The following ISL1 variants were observed in gnomAD, a reference collection of about 807,000 sequenced individuals.
The protein encoded by ISL1 is ISL LIM homeobox 1.
ISL1 carries 4 observed loss-of-function variants against 35.3 expected under a neutral mutation model. The ratio of observed to expected loss-of-function variants is 0.11; its 90% confidence interval spans 0.06 to 0.26. The LOEUF (loss-of-function observed/expected upper bound fraction) is 0.26, where lower values mean the gene tolerates loss of function less well. Ranked by LOEUF, ISL1 falls within the 10% of genes least tolerant of loss-of-function variation. The pLI, the probability that ISL1 is intolerant of heterozygous loss-of-function variation, is 1.00. For missense variants in ISL1, 340 were observed against 472.8 expected (o/e 0.72, Z 2.60); for synonymous variants, 186 against 172.3 (o/e 1.08, Z -0.62).
At position 51,387,698 on chromosome 5, in the gene ISL1, G is replaced by T. The variant is rs1328062960; in HGVS notation, c.427G>T (p.Ala143Ser). 1 of 1,614,090 alleles carries T rather than the reference G, an allele frequency of 6.2e-7. No individual in the cohort carries two copies. The highest frequency in any genetic ancestry group is 1.3e-5 in the African/African-American group (1 of 74,950). ...HDVVERASLG[A>S]GDPLSPLHPA... ...TGTGGTGGAGAGGGCCAGTCTAGGC[G>T]CTGGCGACCCGCTCAGTCCCCTGCA... is the stretch of plus-strand genomic sequence containing the variant. Residue 143 changes from alanine to serine, a missense_variant, in exon 3 of 6, where the codon GCT (alanine) becomes TCT (serine). By Grantham distance (99) the Ala-to-Ser change is moderately conservative. This residue lies in a region of ISL1 where 94 missense variants were observed against 102.1 expected (regional missense o/e 0.92). Transcript: ENST00000230658. The surrounding 1 kb of genome is among the most constrained non-coding windows in gnomAD (Gnocchi z 4.3).
At chr5:51,388,247 T>C (rs1747402017) in intron 3 of ISL1, among the ~76,000 whole-genome samples, 2 of 152,256 alleles carry the variant, frequency 1.3e-5, no homozygotes, top group African/African-American at 4.8e-5. Context: ...CTCGAAATTT[T>C]TTTTTTAATT....
intron 2 of ISL1, chr5:51,386,374 C>CTG (rs1747341638): frequency 7.4e-6 from 2 of 270,740 alleles, no homozygotes; most frequent in Admixed American, 9.8e-5. Flanking sequence ...TCTCTCTCAA[C>CTG]TCTGTGTGTG....
intron 5 of ISL1, among the ~76,000 whole-genome samples, chr5:51,392,006 C>G (rs1395715000): frequency 1.3e-5 from 2 of 152,130 alleles, no homozygotes; most frequent in Non-Finnish European, 2.9e-5. Flanking sequence ...TAGATGAATA[C>G]TTTTTGTTAC....
At position 51,383,604 on chromosome 5, in the gene ISL1, C is replaced by T; in HGVS notation, c.-68C>T. The T allele has an allele frequency of 7.7e-7, 1 of 1,297,436 alleles. No individual in the cohort carries two copies. Among genetic ancestry groups the T allele is most frequent in the Non-Finnish European group, 1.1e-6 (1 of 890,698 alleles). The allele number at this position is 1,297,436 out of a possible 1,614,324, so 80.4% of individuals were successfully genotyped here. ...CCCACTTAGCCACAGCTCCAGCATCCTCTCTGTGGGCTGTTCACCAACTGT... is the reference window on the plus strand; with the variant it reads ...CCCACTTAGCCACAGCTCCAGCATCTTCTCTGTGGGCTGTTCACCAACTGT... On this transcript the variant is annotated 5_prime_UTR_variant, in exon 1 of 6. Transcript: ENST00000230658.
chr5:51,386,760 C>A, intron 2 of ISL1: 2 of 371,788 alleles, frequency 5.4e-6, no homozygotes, highest in Non-Finnish European at 1.0e-5. Context: ...GGAACAGACG[C>A]AGATTTTTTT....
In ISL1 at chr5:51,391,567, G is replaced by A. The variant is rs190779201; in HGVS notation, c.933+126G>A. On this transcript the variant is annotated intron_variant, in intron 5 of 5. Coordinates refer to ENST00000230658, the MANE Select transcript of ISL1 (RefSeq NM_002202.3). ...GGCTCAGGGTTGGGGAGAAACCAAG[G>A]AGGTGGGTAATGAAGAGAAGGGAGA... 1.3e-4 allele frequency: 142 copies of A among 1,054,384 alleles called. No homozygotes were observed. The African/African-American group carries it at 1.8e-3, about 13-fold the overall frequency. 65.3% of individuals were successfully genotyped at this position (1,054,384 alleles called of 1,614,324 possible). A position where few individuals can be genotyped will look rare whatever the true frequency, so the allele number is the denominator to read the frequency against.
chr5:51,393,247 A>G (rs906989505), intron 5 of ISL1, among the ~76,000 whole-genome samples: 12 of 152,238 alleles, frequency 7.9e-5, no homozygotes, highest in African/African-American at 2.7e-4. Context: ...ATTTAATGCA[A>G]CATAATGTTG....
At position 51,394,261 on chromosome 5, in the gene ISL1, A is replaced by T. The variant is rs1017; in HGVS notation, c.*651A>T. ...CTTTATCAAGAAGTCTGAAGCGACT[A>T]TAAAGGTTTTTGAATTCAGATTTAA... On this transcript the variant is annotated 3_prime_UTR_variant, in exon 6 of 6. Coordinates refer to ENST00000230658, the MANE Select transcript of ISL1 (RefSeq NM_002202.3). 0.43 allele frequency: 66,313 copies of T among 152,534 alleles called. 15,658 individuals are homozygous for T. Among genetic ancestry groups the T allele is most frequent in the African/African-American group, 0.61 (25,462 of 41,418 alleles). 9.4% of individuals were successfully genotyped at this position (152,534 alleles called of 1,614,324 possible).
In ISL1 at chr5:51,394,074, C is replaced by G. The variant is rs1747578948; in HGVS notation, c.*464C>G. On this transcript the variant is annotated 3_prime_UTR_variant, in exon 6 of 6. Transcript: ENST00000230658. ...AAAGCGCAGGAAGAGAGACTGGCCT[C>G]CTTGGCTGAAAGAGTCCTTTCAGGA... 3 of 190,584 alleles carry G rather than the reference C, an allele frequency of 1.6e-5. No homozygotes were observed. The highest frequency in any genetic ancestry group is 7.2e-5 in the African/African-American group (3 of 41,928). 11.8% of individuals were successfully genotyped at this position (190,584 alleles called of 1,614,324 possible).
chr5:51,387,442 C>A lies in ISL1; in HGVS notation c.219-48C>A. 1 of 1,607,086 alleles carries A rather than the reference C, an allele frequency of 6.2e-7. No homozygotes were observed. On this transcript the variant is annotated intron_variant, in intron 2 of 5. Transcript: ENST00000230658. This position sits in a 1 kb window ranked among gnomAD's most constrained non-coding sequence, Gnocchi z 4.3. ...CCTGAAGTGACCCCCTCTTCCTGTACTTCTCTCCCCGCTCTGGGCCGCCTC... is the reference window on the plus strand; with the variant it reads ...CCTGAAGTGACCCCCTCTTCCTGTAATTCTCTCCCCGCTCTGGGCCGCCTC...
In ISL1 at chr5:51,393,515, C is replaced by T. The variant is rs1401245038; in HGVS notation, c.955C>T (p.Pro319Ser). 1.2e-6 allele frequency: 2 copies of T among 1,612,956 alleles called. No individual in the cohort carries two copies. The highest frequency in any genetic ancestry group is 1.7e-6 in the Non-Finnish European group (2 of 1,178,962). ...QQLVNFSEGG[P>S]GSNSTGSEVA... The stretch of plus-strand genomic sequence containing the variant: ...GCAGGTCAATTTTTCAGAAGGAGGA[C>T]CGGGCTCTAATTCCACTGGCAGTGA... The change falls in exon 6 of 6, where the codon CCG becomes TCG. Residue 319 changes from proline (P) to serine (S), a missense_variant. Coordinates refer to ENST00000230658, the MANE Select transcript of ISL1 (RefSeq NM_002202.3).
At position 51,384,657 on chromosome 5, in the gene ISL1, A is replaced by G. The variant is rs778884555; in HGVS notation, c.145A>G (p.Asn49Asp). 1 of 1,614,156 alleles carries G rather than the reference A, an allele frequency of 6.2e-7. No homozygotes were observed. Among genetic ancestry groups the G allele is most frequent in the Non-Finnish European group, 8.5e-7 (1 of 1,179,996 alleles). ...GGCATGTTTGAAATGTGCGGAGTGT[A>G]ATCAGTATTTGGACGAGAGCTGTAC... ...HAACLKCAEC[N>D]QYLDESCTCF... The change falls in exon 2 of 6, where the codon AAT becomes GAT. Residue 49 changes from asparagine (N) to aspartate (D), a missense_variant. Coordinates refer to ENST00000230658, the MANE Select transcript of ISL1 (RefSeq NM_002202.3).
At chr5:51,392,970 G>GC (rs1314057741) in intron 5 of ISL1, among the ~76,000 whole-genome samples, 1 of 152,124 alleles carries the variant, frequency 6.6e-6, no homozygotes, top group Non-Finnish European at 1.5e-5. Context: ...AGGCCAAGAG[G>GC]CAGCAGGACC....
chr5:51,389,902 A>G lies in ISL1; in HGVS notation c.735A>G (p.Gln245=), dbSNP rs920551971. ...KDKKRSIMMK[Q]LQQQQPNDKT... is the part of the protein sequence containing the mutation. ...AGAAGCGAAGCATCATGATGAAGCA[A>G]CTCCAGCAGCAGCAGCCCAATGACA... Residue 245 remains glutamine, a synonymous_variant, in exon 4 of 6, where the codon CAA becomes CAG. Transcript: ENST00000230658. The surrounding 1 kb of genome is among the most constrained non-coding windows in gnomAD (Gnocchi z 5.0). 2 of 1,613,958 alleles carry G rather than the reference A, an allele frequency of 1.2e-6. No homozygotes were observed. Among genetic ancestry groups the G allele is most frequent in the Non-Finnish European group, 1.7e-6 (2 of 1,179,898 alleles).
In ISL1 at chr5:51,389,984, G is replaced by T; in HGVS notation, c.765+52G>T. 1 of 1,584,734 alleles carries T rather than the reference G, an allele frequency of 6.3e-7. No homozygotes were observed. Among genetic ancestry groups the T allele is most frequent in the Non-Finnish European group, 8.6e-7 (1 of 1,158,282 alleles). On this transcript the variant is annotated intron_variant, in intron 4 of 5. Coordinates refer to ENST00000230658, the MANE Select transcript of ISL1 (RefSeq NM_002202.3). This position sits in a 1 kb window ranked among gnomAD's most constrained non-coding sequence, Gnocchi z 5.0. ...AATGCGAGGGGGAAGGAGACGCAGC[G>T]TGCGAGGTGCGTTCCTGGTACGCAG...
chr5:51,392,264 A>C (rs1747533496), intron 5 of ISL1, among the ~76,000 whole-genome samples: 1 of 152,250 alleles, frequency 6.6e-6, no homozygotes, highest in Admixed American at 6.5e-5. Context: ...AAATAAGAAC[A>C]ATAAATATAT....
At chr5:51,392,160 T>A (rs1298663410) in intron 5 of ISL1, among the ~76,000 whole-genome samples, 2 of 152,154 alleles carry the variant, frequency 1.3e-5, no homozygotes, top group Non-Finnish European at 2.9e-5. Context: ...AGAAGTAAAG[T>A]GTTTAATCTG....
intron 3 of ISL1, among the ~76,000 whole-genome samples, chr5:51,388,876 TCC>T (rs1426746628): frequency 4.6e-5 from 7 of 152,012 alleles, no homozygotes; most frequent in African/African-American, 1.4e-4. Context: ...GGGGGACATC[TCC>T]CAGCCACCGT....
chr5:51,384,658 A>G lies in ISL1; in HGVS notation c.146A>G (p.Asn49Ser). 6.2e-7 allele frequency: 1 copy of G among 1,614,124 alleles called. No homozygotes were observed. The highest frequency in any genetic ancestry group is 8.5e-7 in the Non-Finnish European group (1 of 1,180,008). Residue 49 changes from asparagine to serine, a missense_variant, in exon 2 of 6, where the codon AAT (asparagine) becomes AGT (serine). By Grantham distance (46) the Asn-to-Ser change is conservative (BLOSUM62 1). This residue lies in a region of ISL1 where 70 missense variants were observed against 130.3 expected (regional missense o/e 0.54). Coordinates refer to ENST00000230658, the MANE Select transcript of ISL1 (RefSeq NM_002202.3). ...GCATGTTTGAAATGTGCGGAGTGTAATCAGTATTTGGACGAGAGCTGTACA... is the reference window on the plus strand; with the variant it reads ...GCATGTTTGAAATGTGCGGAGTGTAGTCAGTATTTGGACGAGAGCTGTACA... ...HAACLKCAEC[N>S]QYLDESCTCF...
Sources: gnomAD v4.1 joint callset for allele counts (sites outside exome capture counted in the v4.1 genomes callset) on GRCh38, gnomAD v4.1.1 for gene constraint, gnomAD v4.1.1 regional missense constraint, Gnocchi (gnomAD v3.1) non-coding constraint, MANE v1.5 for transcripts, NCBI Gene and HGNC (gene_info 2026-07-23, HGNC 2026-07-21) for gene names.